Variants in XYLB observed in about 807,000 individuals in gnomAD.
XYLB encodes xylulokinase.
A neutral mutation model predicts 78.7 loss-of-function variants in XYLB; 62 were observed. The ratio of observed to expected loss-of-function variants is 0.79; its 90% CI spans 0.64 to 0.97. The LOEUF (loss-of-function observed/expected upper bound fraction) is 0.97. Ranked by LOEUF, XYLB falls within the 50% of genes least tolerant of loss-of-function variation. The pLI is 0.00. For missense variants in XYLB, 687 were observed against 676.8 expected, an observed-to-expected ratio of 1.02 and a Z score of -0.17; for synonymous variants, 245 against 247.4, an observed-to-expected ratio of 0.99 and a Z score of 0.09.
intron 18 of XYLB, among the ~76,000 whole-genome samples, chr3:38,412,050 G>C (rs1575547257): frequency 6.6e-6 from 1 of 150,874 alleles, no homozygotes; most frequent in African/African-American, 2.4e-5. Context: ...GAGTGCAGTG[G>C]TGCAATCTTG....
chr3:38,397,223 G>A lies in XYLB; in HGVS notation c.1438+64G>A, dbSNP rs1260320089. 3.4e-6 allele frequency: 5 copies of A among 1,470,222 alleles called. No individual in the cohort carries two copies. The African/African-American group carries it at 5.6e-5, about 16-fold the overall frequency. The allele number at this position is 1,470,222 out of a possible 1,614,324, so 91.1% of individuals were successfully genotyped here. On this transcript the variant is annotated intron_variant, in intron 17 of 18. Coordinates refer to ENST00000207870, the MANE Select transcript of XYLB (RefSeq NM_005108.4). ...CCAGGACATGGGGTGGGCTGAGGAG[G>A]GTGGAAAGGGGAGAGTGAGGTGTAC...
intron 18 of XYLB, among the ~76,000 whole-genome samples, chr3:38,412,511 A>T (rs1275946822): frequency 1.3e-5 from 2 of 152,184 alleles, no homozygotes; most frequent in Non-Finnish European, 2.9e-5. Context: ...TGGACTTGGC[A>T]TCCTACATTT....
chr3:38,385,847 A>T (rs1707362517), intron 15 of XYLB, among the ~76,000 whole-genome samples: 1 of 152,110 alleles, frequency 6.6e-6, no homozygotes. Context: ...TGCTACTGGG[A>T]TGATGCTGTT....
chr3:38,385,555 A>G (rs1707346267), intron 15 of XYLB, among the ~76,000 whole-genome samples: 1 of 152,120 alleles, frequency 6.6e-6, no homozygotes. Flanking sequence ...TGCATTTCAG[A>G]ATGCTACATG....
chr3:38,368,304 C>A, intron 8 of XYLB, 47 bp downstream of exon 8: 1 of 1,576,982 alleles, frequency 6.3e-7, no homozygotes, highest in South Asian at 1.1e-5. Context: ...GTGCATGTGG[C>A]ATGTGGGTGT....
At chr3:38,374,340 C>T (rs1479838000) in intron 10 of XYLB, 122 bp from the exon 11 acceptor site, 10 of 1,424,006 alleles carry the variant, frequency 7.0e-6, no homozygotes, top group Non-Finnish European at 9.8e-6. Context: ...CTCCTGCCTC[C>T]ACCCTAGGGT....
chr3:38,358,948 G>A (rs1015808684), intron 2 of XYLB, among the ~76,000 whole-genome samples: 4 of 152,144 alleles, frequency 2.6e-5, no homozygotes, highest in East Asian at 1.9e-4. Flanking sequence ...CCAAAAGATC[G>A]CTTTTTTCCC....
downstream of XYLB, among the ~76,000 whole-genome samples, chr3:38,422,874 A>G (rs749929502): frequency 1.3e-5 from 2 of 152,132 alleles, no homozygotes; most frequent in Non-Finnish European, 2.9e-5. Flanking sequence ...GGTTTAGGGT[A>G]TCATTTTTGA....
the XYLB span, among the ~76,000 whole-genome samples, chr3:38,427,395 C>A: frequency 1.3e-5 from 2 of 152,138 alleles, no homozygotes; most frequent in Non-Finnish European, 2.9e-5. Flanking sequence ...TTAAATATTC[C>A]TTTATTATCC....
Position 38,373,004 on chromosome 3 carries a change from T to G in XYLB, c.847+268T>G, listed in dbSNP as rs150516734. Among the ~76,000 whole-genome samples, 451 of 152,302 alleles carry G rather than the reference T, an allele frequency of 3.0e-3. 4 individuals are homozygous for G. Among genetic ancestry groups the G allele is most frequent in the African/African-American group, 0.01 (426 of 41,550 alleles). On this transcript the variant is annotated intron_variant, in intron 10 of 18. Coordinates refer to ENST00000207870, the MANE Select transcript of XYLB (RefSeq NM_005108.4). ...CTCAGGAGCTGGTCAGTCTGCTCTC[T>G]CTGGATGAAAACTGCCCAATGATTA...
chr3:38,388,549 G>C (rs555824855), intron 15 of XYLB, among the ~76,000 whole-genome samples: 10 of 152,244 alleles, frequency 6.6e-5, no homozygotes, highest in African/African-American at 2.4e-4. Context: ...AAGTCTAGAA[G>C]CCTATATAAC....
At chr3:38,434,857 GT>G in the XYLB span, among the ~76,000 whole-genome samples, 1 of 152,234 alleles carries the variant, frequency 6.6e-6, no homozygotes, top group African/African-American at 2.4e-5. Flanking sequence ...TTGGAGCTAG[GT>G]GTGGTGGCTC....
chr3:38,422,944 A>G (rs938681977), downstream of XYLB, among the ~76,000 whole-genome samples: 1 of 152,166 alleles, frequency 6.6e-6, no homozygotes, highest in African/African-American at 2.4e-5. Flanking sequence ...AAGTAAGCCA[A>G]TTTGGATAGA....
intron 15 of XYLB, among the ~76,000 whole-genome samples, chr3:38,386,150 C>T (rs1405761849): frequency 6.6e-6 from 1 of 152,120 alleles, no homozygotes; most frequent in Non-Finnish European, 1.5e-5. Flanking sequence ...GTTGATTCTT[C>T]TGACCCCTCC....
At chr3:38,362,342 A>G (rs1706017740) in intron 3 of XYLB, among the ~76,000 whole-genome samples, 1 of 152,174 alleles carries the variant, frequency 6.6e-6, no homozygotes, top group African/African-American at 2.4e-5. Context: ...GGGCTCAGGT[A>G]TCCTCCCTCC....
chr3:38,363,624 G>A (rs1402537408), intron 4 of XYLB, among the ~76,000 whole-genome samples: 1 of 152,196 alleles, frequency 6.6e-6, no homozygotes, highest in Non-Finnish European at 1.5e-5. Context: ...ACGTCATCTG[G>A]CTTTCTGGTG....
In XYLB at chr3:38,351,171, C is replaced by CAAAAAAAAAA. The variant is rs58457623; in HGVS notation, c.140+2558_140+2567dup. ...TGGACAACAGAGGGAGAGCCTGTCT[C>CAAAAAAAAAA]AAAAAAAAAAAAAAAAAAAAAAAAA... is the stretch of plus-strand genomic sequence containing the variant. On this transcript the variant is annotated intron_variant, in intron 2 of 18. Coordinates refer to ENST00000207870, the MANE Select transcript of XYLB (RefSeq NM_005108.4). 1.0e-3 allele frequency among the ~76,000 whole-genome samples: 23 copies of CAAAAAAAAAA among 23,080 alleles called. 1 individual carries two copies. The highest frequency in any genetic ancestry group is 1.9e-3 in the Admixed American group (3 of 1,542). The allele number at this position is 23,080 out of a possible 152,430, so 15.1% of individuals were successfully genotyped here.
downstream of XYLB, among the ~76,000 whole-genome samples, chr3:38,421,899 T>G (rs2125694916): frequency 6.6e-6 from 1 of 152,290 alleles, no homozygotes; most frequent in East Asian, 1.9e-4. Context: ...CCCCAGTGAC[T>G]GAGCAGTGCC....
intron 2 of XYLB, chr3:38,356,003 C>T (rs1240549622): frequency 1.9e-6 from 1 of 520,234 alleles, no homozygotes; most frequent in Non-Finnish European, 3.4e-6. Flanking sequence ...GTAATCCCAG[C>T]ACTTTGGGAT....
Sources: gnomAD v4.1 joint callset for allele counts (sites outside exome capture counted in the v4.1 genomes callset) on GRCh38, gnomAD v4.1.1 for gene constraint, MANE v1.5 for transcripts, NCBI Gene and HGNC (gene_info 2026-07-23, HGNC 2026-07-21) for gene names.